Variants in RFT1 observed in about 807,000 individuals in gnomAD.
The protein encoded by RFT1 is man(5)GlcNAc(2)-PP-dolichol translocation protein RFT1.
In RFT1, 43 loss-of-function variants were observed where a neutral mutation model predicts 62.2. That is an observed-to-expected ratio of 0.69 (90% CI 0.54 to 0.89). RFT1 has a LOEUF of 0.89. Ranked by LOEUF, RFT1 falls within the 40% of genes least tolerant of loss-of-function variation. The probability of loss-of-function intolerance (pLI) is 0.00; values close to 1 mark genes in which losing one functional copy is unlikely to be tolerated. For synonymous variants in RFT1, 262 were observed against 264.6 expected (o/e 0.99, Z 0.10); for missense variants, 605 against 649.9 (o/e 0.93, Z 0.75).
the RFT1 span, among the ~76,000 whole-genome samples, chr3:53,071,298 G>A: frequency 5.3e-5 from 8 of 152,184 alleles, no homozygotes; most frequent in African/African-American, 1.9e-4. Context: ...GTCCCCATCT[G>A]TGAAATGGGT....
intron 10 of RFT1, chr3:53,103,304 AAGCACTGCAAATGGACTGCC>A (rs1196674468): frequency 1.0e-6 from 1 of 984,076 alleles, no homozygotes; most frequent in Non-Finnish European, 1.2e-6. Context: ...ACCCAAGATG[AAGCACTGCAAATGGACTGCC>A]AGCTTACAGC....
intron 6 of RFT1, among the ~76,000 whole-genome samples, chr3:53,117,508 G>A (rs1701842888): frequency 6.6e-6 from 1 of 152,174 alleles, no homozygotes; most frequent in African/African-American, 2.4e-5. Context: ...TGTTCTTACT[G>A]TATGTCAGCG....
At chr3:53,106,695 C>T (rs749926978) in intron 8 of RFT1, 124 bp downstream of exon 8, 16 of 803,028 alleles carry the variant, frequency 2.0e-5, no homozygotes, top group Non-Finnish European at 2.7e-5. Context: ...CTACAATTTA[C>T]AATCTTCAGG....
intron 10 of RFT1, 62 bp from the exon 11 acceptor site, chr3:53,099,548 G>A: frequency 1.6e-6 from 2 of 1,270,534 alleles, no homozygotes; most frequent in Non-Finnish European, 2.3e-6. Context: ...TGTACCCTCA[G>A]TGCTGCTGAG....
At chr3:53,108,814 G>T (rs555244606) in intron 7 of RFT1, among the ~76,000 whole-genome samples, 1 of 151,622 alleles carries the variant, frequency 6.6e-6, no homozygotes, top group Non-Finnish European at 1.5e-5. Flanking sequence ...GATAACAGGC[G>T]CCTGCCACCA....
the RFT1 span, among the ~76,000 whole-genome samples, chr3:53,082,028 C>T: frequency 1.3e-5 from 2 of 152,140 alleles, no homozygotes; most frequent in African/African-American, 4.8e-5. Flanking sequence ...ATTGCAGCCT[C>T]GACTTCCCGG....
rs550906487 is a variant in RFT1 at position 53,091,721 on chromosome 3, C to G, written c.*182G>C. On this transcript the variant is annotated 3_prime_UTR_variant, in exon 13 of 13. Transcript: ENST00000296292. ...TCACTTAAAAATGAAACTCCCCCCC[C>G]GCATTTCAGACTTCGAATGGTCACA... 17 of 666,850 alleles carry G rather than the reference C, an allele frequency of 2.5e-5. No homozygotes were observed. The highest frequency in any genetic ancestry group is 4.0e-4 in the Middle Eastern group (1 of 2,514). 41.3% of individuals were successfully genotyped at this position (666,850 alleles called of 1,614,324 possible). A position where few individuals can be genotyped will look rare whatever the true frequency, so the allele number is the denominator to read the frequency against.
chr3:53,091,887 C>T lies in RFT1; in HGVS notation c.*16G>A. 1 of 1,613,974 alleles carries T rather than the reference C, an allele frequency of 6.2e-7. No individual in the cohort carries two copies. The highest frequency in any genetic ancestry group is 8.5e-7 in the Non-Finnish European group (1 of 1,179,966). On this transcript the variant is annotated 3_prime_UTR_variant, in exon 13 of 13. Coordinates refer to ENST00000296292, the MANE Select transcript of RFT1 (RefSeq NM_052859.4). Reference sequence around the variant, plus strand: ...TAGCTGGTCCAGGTGCCTCGGGTGTCCAGGCTTCCCTGAAGTCATGTCATT... The same window carrying T: ...TAGCTGGTCCAGGTGCCTCGGGTGTTCAGGCTTCCCTGAAGTCATGTCATT...
At chr3:53,106,466 A>T (rs1701477800) in intron 8 of RFT1, among the ~76,000 whole-genome samples, 1 of 152,208 alleles carries the variant, frequency 6.6e-6, no homozygotes, top group Admixed American at 6.5e-5. Context: ...TTGGGATTAC[A>T]TTAAAAGATA....
Position 53,092,210 on chromosome 3 carries a change from C to T in RFT1, c.1459-140G>A, listed in dbSNP as rs545438456. ...AGCCATACTGCAGGTCCATTGTTTCCCCATTGGCAACATTCTCTTGTCACA... is the reference window on the plus strand; with the variant it reads ...AGCCATACTGCAGGTCCATTGTTTCTCCATTGGCAACATTCTCTTGTCACA... On this transcript the variant is annotated intron_variant, in intron 12 of 12. Transcript: ENST00000296292. 2.1e-6 allele frequency: 3 copies of T among 1,403,218 alleles called. No individual in the cohort carries two copies. The East Asian group carries it at 7.4e-5, about 35-fold the overall frequency. 86.9% of individuals were successfully genotyped at this position (1,403,218 alleles called of 1,614,324 possible). A position where few individuals can be genotyped will look rare whatever the true frequency, so the allele number is the denominator to read the frequency against.
At chr3:53,067,557 G>A in the RFT1 span, among the ~76,000 whole-genome samples, 7 of 152,150 alleles carry the variant, frequency 4.6e-5, no homozygotes, top group African/African-American at 1.7e-4. Context: ...AAGTTTGCTC[G>A]GGGTCACGGT....
chr3:53,079,201 G>A, the RFT1 span, among the ~76,000 whole-genome samples: 3 of 152,172 alleles, frequency 2.0e-5, no homozygotes, highest in Admixed American at 6.5e-5. Context: ...GTGGGCTGTC[G>A]GATCAGAACC....
At chr3:53,094,449 G>C (rs1701086202) in intron 11 of RFT1, among the ~76,000 whole-genome samples, 1 of 151,990 alleles carries the variant, frequency 6.6e-6, no homozygotes, top group Admixed American at 6.6e-5. Flanking sequence ...TCCAGAGAGG[G>C]AGTTTATTTG....
chr3:53,067,935 A>G, the RFT1 span, among the ~76,000 whole-genome samples: 1 of 152,186 alleles, frequency 6.6e-6, no homozygotes, highest in South Asian at 2.1e-4. Flanking sequence ...TTTTATGGCA[A>G]CTCATAAATA....
downstream of RFT1, among the ~76,000 whole-genome samples, chr3:53,085,480 T>C (rs984065349): frequency 1.3e-5 from 2 of 152,232 alleles, no homozygotes; most frequent in African/African-American, 4.8e-5. Context: ...GGCTCCGAAA[T>C]AGAACGTTTC....
intron 4 of RFT1, among the ~76,000 whole-genome samples, chr3:53,122,095 A>T (rs922189808): frequency 1.3e-5 from 2 of 152,246 alleles, no homozygotes; most frequent in African/African-American, 4.8e-5. Flanking sequence ...CACTAGAAAA[A>T]TCTGAAAAAC....
At chr3:53,107,146 T>C (rs1410050455) in intron 7 of RFT1, among the ~76,000 whole-genome samples, 1 of 151,558 alleles carries the variant, frequency 6.6e-6, no homozygotes, top group Admixed American at 6.6e-5. Context: ...GTTTTTTTTT[T>C]TTTTTTTGAG....
At position 53,092,547 on chromosome 3, in the gene RFT1, C is replaced by T; in HGVS notation, c.1280G>A (p.Gly427Asp). The change falls in exon 12 of 13, where the codon GGC becomes GAC. Residue 427 changes from glycine (G) to aspartate (D), a missense_variant. Coordinates refer to ENST00000296292, the MANE Select transcript of RFT1 (RefSeq NM_052859.4). ...GTTGGCCAAGATGAAGCCCACGCTG[C>T]CACACCAACGGGTCAAGAGATAGGA... is the stretch of plus-strand genomic sequence containing the variant. ...VLSYLLTRWC[G>D]SVGFILANCF... is the part of the protein sequence containing the mutation. The T allele has an allele frequency of 1.9e-6, 3 of 1,612,578 alleles. No individual in the cohort carries two copies. The highest frequency in any genetic ancestry group is 2.5e-6 in the Non-Finnish European group (3 of 1,179,594).
intron 7 of RFT1, among the ~76,000 whole-genome samples, chr3:53,107,190 C>G (rs974492467): frequency 1.4e-5 from 2 of 147,224 alleles, no homozygotes; most frequent in African/African-American, 5.0e-5. Context: ...GGCTGGAGTA[C>G]AGTGGCACGA....
Sources: gnomAD v4.1 joint callset for allele counts (sites outside exome capture counted in the v4.1 genomes callset) on GRCh38, gnomAD v4.1.1 for gene constraint, MANE v1.5 for transcripts, NCBI Gene and HGNC (gene_info 2026-07-23, HGNC 2026-07-21) for gene names.